Variants in LYZL2 observed in about 807,000 individuals in gnomAD.
The protein encoded by LYZL2 is lysozyme-like protein 2.
In LYZL2, 13 loss-of-function variants were observed where a neutral mutation model predicts 17.1. The ratio of observed to expected loss-of-function variants is 0.76; its 90% CI spans 0.49 to 1.21. The LOEUF (loss-of-function observed/expected upper bound fraction) is 1.21. Among genes scored for constraint, LYZL2 ranks in the 50% most tolerant of loss-of-function variants. The probability of loss-of-function intolerance (pLI) is 0.00; values close to 1 mark genes in which losing one functional copy is unlikely to be tolerated. For missense variants in LYZL2, 166 were observed against 189.2 expected (o/e 0.88, Z 0.72); for synonymous variants, 63 against 74.4 (o/e 0.85, Z 0.79).
At position 30,627,086 on chromosome 10, in the gene LYZL2, G is replaced by C. The variant is rs147702677; in HGVS notation, c.-25-146C>G. 1,534 of 1,254,718 alleles carry C rather than the reference G, an allele frequency of 1.2e-3. 16 individuals are homozygous for C. The African/African-American group carries it at 0.021, about 17-fold the overall frequency. The allele number at this position is 1,254,718 out of a possible 1,614,324, so 77.7% of individuals were successfully genotyped here. A position where few individuals can be genotyped will look rare whatever the true frequency, so the allele number is the denominator to read the frequency against. ...CATCAGGGAAAACCGGCCACTCTAC[G>C]GTCCAGGGAAGGAATGTGACTGCAG... On this transcript the variant is annotated intron_variant, in intron 1 of 4. Transcript: ENST00000647634.
At chr10:30,626,748 G>T (rs775084494) in intron 2 of LYZL2, 29 bp downstream of exon 2, 1 of 1,613,870 alleles carries the variant, frequency 6.2e-7, no homozygotes, top group South Asian at 1.1e-5. Flanking sequence ...GTCAAGGACA[G>T]AAAGAGAGCA....
intron 4 of LYZL2, among the ~76,000 whole-genome samples, chr10:30,612,431 CA>C (rs1838460090): frequency 6.6e-6 from 1 of 152,204 alleles, no homozygotes; most frequent in African/African-American, 2.4e-5. Flanking sequence ...TGCTGCTGCT[CA>C]TTCTCTTTCC....
downstream of LYZL2, among the ~76,000 whole-genome samples, chr10:30,610,957 T>C (rs77077070): frequency 0.046 from 7,068 of 152,188 alleles, 189 homozygotes; most frequent in African/African-American, 0.051. Flanking sequence ...GGCTTGTGGG[T>C]ATGCATACAT....
downstream of LYZL2, among the ~76,000 whole-genome samples, chr10:30,607,415 T>C (rs1376773499): frequency 1.3e-5 from 2 of 151,988 alleles, no homozygotes; most frequent in South Asian, 2.1e-4. Flanking sequence ...GGAAACGGAT[T>C]CTTTACCTCT....
chr10:30,616,602 C>A (rs1194030365), intron 3 of LYZL2, among the ~76,000 whole-genome samples: 1 of 152,240 alleles, frequency 6.6e-6, no homozygotes, highest in Non-Finnish European at 1.5e-5. Flanking sequence ...GCTATTACCA[C>A]TAGCTAATAC....
intron 3 of LYZL2, among the ~76,000 whole-genome samples, chr10:30,624,055 C>A (rs117295857): frequency 0.035 from 5,332 of 152,260 alleles, 130 homozygotes; most frequent in South Asian, 0.05. Context: ...TTTCCTCTTA[C>A]TTGCTTTAGT....
At chr10:30,627,483 G>A (rs1174222975) in intron 1 of LYZL2, among the ~76,000 whole-genome samples, 1 of 151,238 alleles carries the variant, frequency 6.6e-6, no homozygotes, top group East Asian at 1.9e-4. Context: ...TTAACAAATA[G>A]TAAATATAAT....
chr10:30,608,321 T>C (rs1355858715), downstream of LYZL2, among the ~76,000 whole-genome samples: 1 of 152,254 alleles, frequency 6.6e-6, no homozygotes, highest in Admixed American at 6.5e-5. Context: ...GTTTCAATTT[T>C]AGATATCTAG....
At chr10:30,615,804 T>G (rs1838518873) in intron 3 of LYZL2, among the ~76,000 whole-genome samples, 1 of 152,204 alleles carries the variant, frequency 6.6e-6, no homozygotes, top group African/African-American at 2.4e-5. Flanking sequence ...TTATAGCCAC[T>G]CATGGCTAGT....
intron 1 of LYZL2, among the ~76,000 whole-genome samples, chr10:30,627,788 T>C (rs532685031): frequency 1.8e-4 from 28 of 152,248 alleles, no homozygotes; most frequent in African/African-American, 6.5e-4. Flanking sequence ...TGTTCAAGGA[T>C]CAACTGGGTG....
downstream of LYZL2, among the ~76,000 whole-genome samples, chr10:30,606,912 CTT>C (rs5784208): frequency 8.0e-3 from 1,162 of 144,782 alleles, 7 homozygotes; most frequent in South Asian, 0.014. Context: ...TACTTTTGGT[CTT>C]TTTTTTTTTT....
chr10:30,624,586 T>C (rs1412985171), intron 3 of LYZL2, among the ~76,000 whole-genome samples: 2 of 152,226 alleles, frequency 1.3e-5, no homozygotes, highest in Admixed American at 6.5e-5. Flanking sequence ...ATTTGTTCTG[T>C]TTTCCAGCCA....
In LYZL2 at chr10:30,611,953, G is replaced by C. The variant is rs751532940; in HGVS notation, c.*2C>G. On this transcript the variant is annotated 3_prime_UTR_variant, in exon 5 of 5. Coordinates refer to ENST00000647634, the MANE Select transcript of LYZL2 (RefSeq NM_183058.3). Reference sequence around the variant, plus strand: ...GCAAAGCATCCTGGGTCCAGTTCCAGTTTAGGAAACCTCACAGTCTTTTTT... The same window carrying C: ...GCAAAGCATCCTGGGTCCAGTTCCACTTTAGGAAACCTCACAGTCTTTTTT... 3 of 1,614,220 alleles carry C rather than the reference G, an allele frequency of 1.9e-6. No homozygotes were observed. The highest frequency in any genetic ancestry group is 1.7e-6 in the Non-Finnish European group (2 of 1,180,046).
chr10:30,627,278 G>A (rs1838729457), intron 1 of LYZL2, among the ~76,000 whole-genome samples: 1 of 151,968 alleles, frequency 6.6e-6, no homozygotes, highest in Admixed American at 6.6e-5. Context: ...ATAGAATACA[G>A]GGGTGAAACA....
chr10:30,620,647 T>A (rs533840536), intron 3 of LYZL2, among the ~76,000 whole-genome samples: 3 of 152,282 alleles, frequency 2.0e-5, no homozygotes, highest in Admixed American at 6.5e-5. Context: ...TGACACATAC[T>A]AAGAAAAAGA....
At chr10:30,615,455 T>C (rs388508) in intron 3 of LYZL2, among the ~76,000 whole-genome samples, 132,309 of 152,216 alleles carry the variant, frequency 0.87, 58,191 homozygotes, top group African/African-American at 0.96. Flanking sequence ...GGTAAGCTAT[T>C]GTGACCATAG....
chr10:30,607,320 C>T (rs1340332576), downstream of LYZL2, among the ~76,000 whole-genome samples: 2 of 151,868 alleles, frequency 1.3e-5, no homozygotes, highest in African/African-American at 2.4e-5. Context: ...ACAATGCCTC[C>T]ATTCAATACC....
chr10:30,612,043 C>T lies in LYZL2; in HGVS notation c.378-19G>A, dbSNP rs368285124. On this transcript the variant is annotated intron_variant, in intron 4 of 4. Transcript: ENST00000647634. ...GCCTTGCCTGAGGACGAGAGGGAAG[C>T]AAGAGCAGCAGAAAGAAGCGTGACA... is the stretch of plus-strand genomic sequence containing the variant. 3.5e-5 allele frequency: 56 copies of T among 1,612,618 alleles called. No individual in the cohort carries two copies. Among genetic ancestry groups the T allele is most frequent in the Admixed American group, 3.2e-4 (19 of 59,818 alleles).
downstream of LYZL2, among the ~76,000 whole-genome samples, chr10:30,608,309 G>C (rs180918035): frequency 3.4e-4 from 52 of 152,320 alleles, 1 homozygote; most frequent in African/African-American, 9.9e-4. Flanking sequence ...TGTTTATTGG[G>C]AGTTTCAATT....
Sources: allele counts gnomAD v4.1 joint callset (sites outside exome capture counted in the v4.1 genomes callset), GRCh38; gene constraint gnomAD v4.1.1; transcripts MANE v1.5; gene names NCBI Gene and HGNC (gene_info 2026-07-23, HGNC 2026-07-21).